The following TET3 variants were observed in gnomAD, a reference collection of about 807,000 sequenced individuals.
TET3 encodes tet methylcytosine dioxygenase 3.
TET3 carries 19 observed loss-of-function variants against 141.4 expected under a neutral mutation model. The ratio of observed to expected loss-of-function variants is 0.13; its 90% CI spans 0.09 to 0.20. The LOEUF (loss-of-function observed/expected upper bound fraction) is 0.20, where lower values mean the gene tolerates loss of function less well. Among genes scored for constraint, TET3 ranks in the 10% least tolerant of loss-of-function variants. The pLI, the probability that TET3 is intolerant of heterozygous loss-of-function variation, is 1.00. For missense variants in TET3, 1,874 were observed against 2,356.9 expected (o/e 0.80, Z 4.24); for synonymous variants, 1,043 against 980.9 (o/e 1.06, Z -1.18).
chr2:74,072,571 C>T (rs895598078), intron 4 of TET3, among the ~76,000 whole-genome samples: 1 of 151,544 alleles, frequency 6.6e-6, no homozygotes, highest in South Asian at 2.1e-4. Flanking sequence ...ATCAGAACTT[C>T]TTTTATTTAA....
At chr2:74,003,398 G>T (rs1684968046) in intron 3 of TET3, among the ~76,000 whole-genome samples, 1 of 150,678 alleles carries the variant, frequency 6.6e-6, no homozygotes, top group Non-Finnish European at 1.5e-5. Flanking sequence ...GGTTTTGGGT[G>T]CAGTTGGGGC....
intron 3 of TET3, among the ~76,000 whole-genome samples, chr2:74,026,610 G>GT (rs1686377138): frequency 6.6e-6 from 1 of 151,996 alleles, no homozygotes; most frequent in African/African-American, 2.4e-5. Context: ...AACATGATTT[G>GT]TTTTTTAACA....
intron 10 of TET3, among the ~76,000 whole-genome samples, chr2:74,097,687 A>G (rs1690933402): frequency 6.6e-6 from 1 of 152,164 alleles, no homozygotes; most frequent in Non-Finnish European, 1.5e-5. Flanking sequence ...GGGGAAGTTT[A>G]GGATTGAACA....
At chr2:73,985,624 A>G (rs1370022927) in intron 1 of TET3, among the ~76,000 whole-genome samples, 1 of 148,942 alleles carries the variant, frequency 6.7e-6, no homozygotes, top group Non-Finnish European at 1.5e-5. Flanking sequence ...AGCAAACTTT[A>G]TTTTGAAAGC....
Position 74,048,361 on chromosome 2 carries a change from A to C in TET3, c.2444A>C (p.Asp815Ala), listed in dbSNP as rs1197944113. 6.2e-7 allele frequency: 1 copy of C among 1,613,446 alleles called. No individual in the cohort carries two copies. Among genetic ancestry groups the C allele is most frequent in the Admixed American group, 1.7e-5 (1 of 59,922 alleles). ...GACACACCCACCAAGAGTCTGCTGGACACACCTGCCAAGAGAGCCCAGGCC... is the reference window on the plus strand; with the variant it reads ...GACACACCCACCAAGAGTCTGCTGGCCACACCTGCCAAGAGAGCCCAGGCC... ...YLDTPTKSLL[D>A]TPAKRAQAEF... The change falls in exon 4 of 12, where the codon GAC becomes GCC. Residue 815 changes from aspartate to alanine, a missense_variant. Coordinates refer to ENST00000409262, the MANE Select transcript of TET3 (RefSeq NM_001287491.2).
At chr2:74,082,470 C>T (rs1240921356) in intron 6 of TET3, among the ~76,000 whole-genome samples, 1 of 152,146 alleles carries the variant, frequency 6.6e-6, no homozygotes, top group Non-Finnish European at 1.5e-5. Context: ...TCGTGGGTGT[C>T]ACTGAGCCCT....
At chr2:74,022,932 C>G (rs1374472570) in intron 3 of TET3, among the ~76,000 whole-genome samples, 1 of 152,154 alleles carries the variant, frequency 6.6e-6, no homozygotes, top group African/African-American at 2.4e-5. Context: ...CTCGCCATCA[C>G]GCCTGGCTAA....
At chr2:74,122,658 CAT>C in the TET3 span, among the ~76,000 whole-genome samples, 8 of 140,384 alleles carry the variant, frequency 5.7e-5, no homozygotes, top group East Asian at 1.7e-3. Flanking sequence ...GGACTAAAGG[CAT>C]GTGCCACTAC....
intron 3 of TET3, among the ~76,000 whole-genome samples, chr2:74,017,044 G>A (rs1270988466): frequency 6.6e-6 from 1 of 152,036 alleles, no homozygotes; most frequent in African/African-American, 2.4e-5. Context: ...TCAGCTACTT[G>A]GGAAGCTGAG....
intron 3 of TET3, among the ~76,000 whole-genome samples, chr2:74,034,555 T>C (rs1467515018): frequency 6.7e-6 from 1 of 148,706 alleles, no homozygotes; most frequent in Non-Finnish European, 1.5e-5. Context: ...GTAGGACATA[T>C]GTAGTCCTCG....
chr2:74,021,030 G>A (rs757886696), intron 3 of TET3, among the ~76,000 whole-genome samples: 13 of 152,202 alleles, frequency 8.5e-5, no homozygotes, highest in Non-Finnish European at 1.8e-4. Context: ...TAATCCCTGG[G>A]AAACATTGGA....
intron 3 of TET3, among the ~76,000 whole-genome samples, chr2:74,022,942 A>G (rs1686134002): frequency 6.6e-6 from 1 of 151,968 alleles, no homozygotes; most frequent in South Asian, 2.1e-4. Context: ...CGCCTGGCTA[A>G]TTTTTGTATT....
chr2:74,069,503 A>G (rs150284797), intron 4 of TET3, among the ~76,000 whole-genome samples: 1 of 151,874 alleles, frequency 6.6e-6, no homozygotes, highest in Non-Finnish European at 1.5e-5. Context: ...ATGAAATTTT[A>G]TAAAATGAAC....
At chr2:74,019,593 G>C (rs1050069879) in intron 3 of TET3, among the ~76,000 whole-genome samples, 1 of 152,184 alleles carries the variant, frequency 6.6e-6, no homozygotes, top group African/African-American at 2.4e-5. Context: ...ACAAAGCCTA[G>C]CATGCGGTAA....
In TET3 at chr2:74,035,339, C is replaced by G. The variant is rs1686989347; in HGVS notation, c.361-10939C>G. 2.7e-5 allele frequency among the ~76,000 whole-genome samples: 4 copies of G among 146,762 alleles called. No homozygotes were observed. The South Asian group carries it at 8.7e-4, about 32-fold the overall frequency. ...ATGAGCTGGGCATGGTGGTGGGCAC[C>G]TGTAATCCCAGCTACTCGGGAGGCT... On this transcript the variant is annotated intron_variant, in intron 3 of 11. Coordinates refer to ENST00000409262, the MANE Select transcript of TET3 (RefSeq NM_001287491.2).
At chr2:74,126,783 G>C in the TET3 span, among the ~76,000 whole-genome samples, 1 of 152,102 alleles carries the variant, frequency 6.6e-6, no homozygotes, top group Admixed American at 6.6e-5. Flanking sequence ...GATTACAGGC[G>C]TGAGCCACCA....
chr2:74,093,923 C>T lies in TET3; in HGVS notation c.3267+257C>T, dbSNP rs1366513480. 6.6e-6 allele frequency among the ~76,000 whole-genome samples: 1 copy of T among 152,208 alleles called. No homozygotes were observed. Among genetic ancestry groups the T allele is most frequent in the African/African-American group, 2.4e-5 (1 of 41,456 alleles). On this transcript the variant is annotated intron_variant, in intron 10 of 11. Coordinates refer to ENST00000409262, the MANE Select transcript of TET3 (RefSeq NM_001287491.2). The surrounding 1 kb of genome is among the most constrained non-coding windows in gnomAD (Gnocchi z 4.2). ...GCTGCAGGATGTAGCCCCTCAAGCA[C>T]CTGGAGTGCCCAGTTATCTAAAGCG... is the stretch of plus-strand genomic sequence containing the variant.
chr2:74,048,129 C>A lies in TET3; in HGVS notation c.2212C>A (p.Gln738Lys), dbSNP rs751070102. 29 of 1,613,208 alleles carry A rather than the reference C, an allele frequency of 1.8e-5. No individual in the cohort carries two copies. The highest frequency in any genetic ancestry group is 2.5e-5 in the Non-Finnish European group (29 of 1,179,632). Reference sequence around the variant, plus strand: ...TGTGCCCATTCAGGACCCCGAGAACCAGCAAACATGTCTCCCAGCCCCTGA... The same window carrying A: ...TGTGCCCATTCAGGACCCCGAGAACAAGCAAACATGTCTCCCAGCCCCTGA... ...PSVPIQDPEN[Q>K]QTCLPAPESP... The change falls in exon 4 of 12, where the codon CAG becomes AAG. Residue 738 changes from glutamine to lysine, a missense_variant. Transcript: ENST00000409262.
chr2:74,113,005 T>TC (rs772985082), downstream of TET3, among the ~76,000 whole-genome samples: 1 of 9,718 alleles, frequency 1.0e-4, no homozygotes. Context: ...AGACTCCGTC[T>TC]CAAAAAAAAA....
Sources: allele counts gnomAD v4.1 joint callset (sites outside exome capture counted in the v4.1 genomes callset), GRCh38; gene constraint gnomAD v4.1.1; non-coding constraint Gnocchi (gnomAD v3.1); transcripts MANE v1.5; gene names NCBI Gene and HGNC (gene_info 2026-07-23, HGNC 2026-07-21).